ARHGAP21: variants seen among roughly 807,000 people sequenced by gnomAD.
ARHGAP21 encodes the protein Rho GTPase activating protein 21.
Under a neutral mutation model 164.6 loss-of-function variants are expected in ARHGAP21, and 38 were observed. The ratio of observed to expected loss-of-function variants is 0.23; its 90% CI spans 0.18 to 0.30. ARHGAP21 has a LOEUF of 0.30. ARHGAP21 is among the 10% of genes least tolerant of loss of function. The probability of loss-of-function intolerance (pLI) is 1.00; values close to 1 mark genes in which losing one functional copy is unlikely to be tolerated. For synonymous variants in ARHGAP21, 766 were observed against 857.9 expected (o/e 0.89, Z 1.87); for missense variants, 1,822 against 2,370.7 (o/e 0.77, Z 4.81).
chr10:24,646,753 T>G (rs907705764), intron 4 of ARHGAP21, among the ~76,000 whole-genome samples: 3 of 152,116 alleles, frequency 2.0e-5, no homozygotes, highest in African/African-American at 7.2e-5. Flanking sequence ...CTAAAAAAAT[T>G]TTAATAATAA....
chr10:24,690,482 C>T (rs140322593), intron 2 of ARHGAP21, among the ~76,000 whole-genome samples: 55 of 152,082 alleles, frequency 3.6e-4, no homozygotes, highest in African/African-American at 1.3e-3. Flanking sequence ...ACTAGTGAGG[C>T]TAGACATCTT....
intron 1 of ARHGAP21, chr10:24,723,077 C>T (rs908265424): frequency 1.3e-5 from 2 of 151,876 alleles, no homozygotes; most frequent in Non-Finnish European, 2.9e-5. Flanking sequence ...GGACCTCGAG[C>T]TCCCGAGGAG....
At chr10:24,650,031 C>CA (rs1837998558) in intron 4 of ARHGAP21, among the ~76,000 whole-genome samples, 1 of 151,484 alleles carries the variant, frequency 6.6e-6, no homozygotes. Flanking sequence ...ACCAGAAAGA[C>CA]AAAAAAGAAG....
intron 7 of ARHGAP21, chr10:24,628,984 T>TATATATATA (rs59168164): frequency 1.5e-4 from 2 of 12,944 alleles, no homozygotes; most frequent in Non-Finnish European, 2.6e-4. Flanking sequence ...ATATATATAT[T>TATATATATA]TTTTTTTTTT....
At chr10:24,716,522 C>G (rs1412026156) in intron 2 of ARHGAP21, among the ~76,000 whole-genome samples, 1 of 152,196 alleles carries the variant, frequency 6.6e-6, no homozygotes, top group Non-Finnish European at 1.5e-5. Context: ...ACCAGAATGG[C>G]TAGCACAGAG....
chr10:24,585,990 T>C lies in ARHGAP21; in HGVS notation c.4299A>G (p.Ser1433=). The C allele has an allele frequency of 1.2e-6, 2 of 1,614,212 alleles. No homozygotes were observed. The highest frequency in any genetic ancestry group is 1.3e-5 in the African/African-American group (1 of 75,066). The change falls in exon 26 of 26, where the codon TCA becomes TCG. Residue 1433 remains serine (S), a synonymous_variant. Transcript: ENST00000396432. The stretch of plus-strand genomic sequence containing the variant: ...AAAATACATTGTCCAGTTCATCTTC[T>C]GAGCTGCTAGGCTGTGCTTTTTCTT... ...KPKEKAQPSS[S]EDELDNVFFK...
chr10:24,629,774 T>G, intron 7 of ARHGAP21: 1 of 594,840 alleles, frequency 1.7e-6, no homozygotes. Context: ...CATTAAGAGT[T>G]CACTGTAGAA....
At chr10:24,680,558 T>G (rs1841670368) in intron 2 of ARHGAP21, among the ~76,000 whole-genome samples, 1 of 152,228 alleles carries the variant, frequency 6.6e-6, no homozygotes, top group Non-Finnish European at 1.5e-5. Context: ...CTCTGCAAAC[T>G]AATTAAGATT....
intron 2 of ARHGAP21, 51 bp from the exon 3 acceptor site, chr10:24,670,448 T>C: frequency 7.9e-7 from 1 of 1,267,416 alleles, no homozygotes. Flanking sequence ...ATATACTTCC[T>C]CATCTAAAAA....
intron 4 of ARHGAP21, among the ~76,000 whole-genome samples, chr10:24,659,018 T>C (rs1307189115): frequency 1.3e-5 from 2 of 152,128 alleles, no homozygotes; most frequent in Non-Finnish European, 2.9e-5. Context: ...TTGGCTATAA[T>C]ACAAAAATGG....
intron 5 of ARHGAP21, among the ~76,000 whole-genome samples, chr10:24,633,988 G>T (rs1836118752): frequency 6.9e-6 from 1 of 143,960 alleles, no homozygotes. Context: ...CTGCCTCCCG[G>T]GTTCAAGCAA....
chr10:24,621,061 A>T lies in ARHGAP21; in HGVS notation c.834T>A (p.Ser278=). 1 of 1,613,974 alleles carries T rather than the reference A, an allele frequency of 6.2e-7. No individual in the cohort carries two copies. Among genetic ancestry groups the T allele is most frequent in the Non-Finnish European group, 8.5e-7 (1 of 1,179,850 alleles). The change falls in exon 9 of 26, where the codon TCT becomes TCA. Residue 278 remains serine, a synonymous_variant. Transcript: ENST00000396432. ...TGGATAACAAATCTACAACCTTCTC[A>T]GAAGGCACAATGACAGTCCTTACAC... is the stretch of plus-strand genomic sequence containing the variant. ...NESVRTVIVP[S]EKVVDLLSNR... is the part of the protein sequence containing the mutation.
At chr10:24,658,876 G>A (rs1040296844) in intron 4 of ARHGAP21, among the ~76,000 whole-genome samples, 9 of 152,068 alleles carry the variant, frequency 5.9e-5, no homozygotes, top group African/African-American at 2.2e-4. Context: ...AACAGGCAAT[G>A]GATTTGAACA....
rs375991319 is a variant in ARHGAP21 at position 24,621,185 on chromosome 10, A to G, written c.710T>C (p.Leu237Pro). ...LSKQQTSTPV[L>P]TQPGRAYRME... ...TCTATAGGCCCTACCAGGTTGTGTC[A>G]GTACTGGTGTACTGGTTTGCTGTTT... Residue 237 changes from leucine (L) to proline (P), a missense_variant, in exon 9 of 26, where the codon CTG becomes CCG. Coordinates refer to ENST00000396432, the MANE Select transcript of ARHGAP21 (RefSeq NM_020824.4). 2 of 1,613,782 alleles carry G rather than the reference A, an allele frequency of 1.2e-6. No individual in the cohort carries two copies. Among genetic ancestry groups the G allele is most frequent in the African/African-American group, 2.7e-5 (2 of 74,912 alleles).
chr10:24,617,185 T>A (rs1834033075), intron 9 of ARHGAP21, among the ~76,000 whole-genome samples: 1 of 152,210 alleles, frequency 6.6e-6, no homozygotes, highest in Non-Finnish European at 1.5e-5. Flanking sequence ...ATTATACAGA[T>A]CTTTATTTTC....
intron 12 of ARHGAP21, 25 bp downstream of exon 12, chr10:24,604,287 T>C: frequency 1.3e-6 from 2 of 1,524,042 alleles, no homozygotes; most frequent in South Asian, 2.7e-5. Context: ...TAAACTAAGG[T>C]AAGTAGAAAC....
intron 7 of ARHGAP21, among the ~76,000 whole-genome samples, chr10:24,624,282 T>C (rs1441980812): frequency 1.3e-5 from 2 of 151,478 alleles, no homozygotes; most frequent in East Asian, 1.9e-4. Flanking sequence ...CCCATTTTTT[T>C]CCCCAGAGAT....
At chr10:24,644,344 T>TA (rs1235352919) in intron 4 of ARHGAP21, among the ~76,000 whole-genome samples, 1 of 152,220 alleles carries the variant, frequency 6.6e-6, no homozygotes, top group African/African-American at 2.4e-5. Flanking sequence ...TTTTTCAAAC[T>TA]ACTTACAAAT....
chr10:24,590,445 T>A, intron 24 of ARHGAP21: 3 of 1,535,318 alleles, frequency 2.0e-6, no homozygotes, highest in Non-Finnish European at 1.7e-6. Flanking sequence ...AATCCACTAG[T>A]GACATTACCG....
Sources: allele counts gnomAD v4.1 joint callset (sites outside exome capture counted in the v4.1 genomes callset), GRCh38; gene constraint gnomAD v4.1.1; transcripts MANE v1.5; gene names NCBI Gene and HGNC (gene_info 2026-07-23, HGNC 2026-07-21).